MTUS2: variants seen among roughly 807,000 people sequenced by gnomAD.
MTUS2 encodes microtubule-associated tumor suppressor candidate 2.
A neutral mutation model predicts 114.1 loss-of-function variants in MTUS2; 40 were observed. That is an observed-to-expected ratio of 0.35 (90% CI 0.27 to 0.46). The LOEUF (loss-of-function observed/expected upper bound fraction) is 0.46. Ranked by LOEUF, MTUS2 falls within the 20% of genes least tolerant of loss-of-function variation. MTUS2 has a pLI of 1.00. For synonymous variants in MTUS2, 688 were observed against 672.0 expected (o/e 1.02, Z -0.37); for missense variants, 1,679 against 1,705.4 (o/e 0.98, Z 0.27).
Position 29,025,286 on chromosome 13 carries a change from G to T in MTUS2, c.588G>T (p.Gln196His). Residue 196 changes from glutamine to histidine, a missense_variant, in exon 3 of 16, where the codon CAG becomes CAT. Gln to His is a conservative substitution (Grantham distance 24, BLOSUM62 0). This residue lies in a region of MTUS2 where 843 missense variants were observed against 770.8 expected (regional missense o/e 1.09). Transcript: ENST00000612955. ...GGAGCCTGACTCCGCAGCATCCACA[G>T]CCTCTATCCCTCGACTCCCGGGAAG... is the stretch of plus-strand genomic sequence containing the variant. ...AVGSLTPQHPQPLSLDSREAR... is the reference protein window; with the variant it reads ...AVGSLTPQHPHPLSLDSREAR... 6.2e-7 allele frequency: 1 copy of T among 1,613,974 alleles called. No homozygotes were observed. Among genetic ancestry groups the T allele is most frequent in the Non-Finnish European group, 8.5e-7 (1 of 1,179,892 alleles).
chr13:28,990,372 C>G (rs1040010077), intron 2 of MTUS2, among the ~76,000 whole-genome samples: 7 of 152,124 alleles, frequency 4.6e-5, no homozygotes, highest in Admixed American at 2.0e-4. Context: ...GTGAAGCCAG[C>G]TGGACTTACT....
At chr13:28,994,366 G>C (rs992539028) in intron 2 of MTUS2, among the ~76,000 whole-genome samples, 3 of 152,264 alleles carry the variant, frequency 2.0e-5, no homozygotes, top group Admixed American at 2.0e-4. Context: ...AAACATACGT[G>C]TGCATGCGTC....
intron 5 of MTUS2, among the ~76,000 whole-genome samples, chr13:29,148,902 T>C (rs555975941): frequency 2.6e-5 from 4 of 152,344 alleles, no homozygotes; most frequent in African/African-American, 9.6e-5. Flanking sequence ...ATGGTGTATA[T>C]GTACCACATT....
At position 29,497,533 on chromosome 13, in the gene MTUS2, G is replaced by A. The variant is rs144676663; in HGVS notation, c.3678+197G>A. The A allele has an allele frequency of 6.9e-3, 4,111 of 593,394 alleles. 15 individuals are homozygous for A. The highest frequency in any genetic ancestry group is 0.01 in the Non-Finnish European group (3,312 of 330,944). 36.8% of individuals were successfully genotyped at this position (593,394 alleles called of 1,614,324 possible). ...CCCCTGAGACAGACAGCAGCTGTGG[G>A]TTTCTCCAGCTACGTGTTATTTTTG... On this transcript the variant is annotated intron_variant, in intron 13 of 15. Transcript: ENST00000612955.
chr13:29,387,044 T>TGTGCTAGGCAGG (rs1872673227), intron 8 of MTUS2, among the ~76,000 whole-genome samples: 1 of 152,236 alleles, frequency 6.6e-6, no homozygotes, highest in Non-Finnish European at 1.5e-5. Context: ...GTGCTTACTA[T>TGTGCTAGGCAGG]GTGCTAGGCA....
chr13:28,907,512 C>T (rs1880110906), intron 2 of MTUS2, among the ~76,000 whole-genome samples: 1 of 151,380 alleles, frequency 6.6e-6, no homozygotes, highest in South Asian at 2.1e-4. Flanking sequence ...AAACCCATCT[C>T]ACGTGCAGAG....
chr13:28,900,236 T>C (rs1438171693), intron 2 of MTUS2, among the ~76,000 whole-genome samples: 1 of 152,204 alleles, frequency 6.6e-6, no homozygotes. Flanking sequence ...ACGATTACAA[T>C]ATTGGCATTG....
Position 29,504,831 on chromosome 13 carries a change from A to AT in MTUS2, c.*1626dup, listed in dbSNP as rs1354454648. On this transcript the variant is annotated 3_prime_UTR_variant, in exon 16 of 16. Coordinates refer to ENST00000612955, the MANE Select transcript of MTUS2 (RefSeq NM_001033602.4). Reference sequence around the variant, plus strand: ...GAGCGTGCCCAAGGCGAGAAGAACCATGAGGGGGTCCTGCAGGGGCCGGAG... The same window carrying AT: ...GAGCGTGCCCAAGGCGAGAAGAACCATTGAGGGGGTCCTGCAGGGGCCGGAG... 4.3e-6 allele frequency: 1 copy of AT among 232,836 alleles called. No homozygotes were observed. Among genetic ancestry groups the AT allele is most frequent in the Non-Finnish European group, 8.5e-6 (1 of 117,878 alleles). 14.4% of individuals were successfully genotyped at this position (232,836 alleles called of 1,614,324 possible).
chr13:29,401,553 G>A, intron 8 of MTUS2, among the ~76,000 whole-genome samples: 1 of 151,898 alleles, frequency 6.6e-6, no homozygotes, highest in East Asian at 1.9e-4. Flanking sequence ...AGATAGAGGG[G>A]TTTTTTCCCC....
intron 2 of MTUS2, among the ~76,000 whole-genome samples, chr13:28,912,856 T>C (rs1403738676): frequency 6.6e-6 from 1 of 152,166 alleles, no homozygotes; most frequent in Admixed American, 6.6e-5. Context: ...TAGCGATTTT[T>C]GCACATTTTT....
intron 1 of MTUS2, among the ~76,000 whole-genome samples, chr13:28,823,085 C>G (rs1013252721): frequency 1.1e-4 from 17 of 151,792 alleles, no homozygotes; most frequent in African/African-American, 4.1e-4. Flanking sequence ...TCTTCCTCCT[C>G]TCAGAGGCAG....
At chr13:29,233,302 A>G (rs1263033003) in intron 5 of MTUS2, among the ~76,000 whole-genome samples, 3 of 152,144 alleles carry the variant, frequency 2.0e-5, no homozygotes, top group Non-Finnish European at 4.4e-5. Flanking sequence ...AGGTGACCAA[A>G]AAGTGGACTT....
At chr13:29,095,636 CTCTGAG>C (rs1890146410) in intron 4 of MTUS2, among the ~76,000 whole-genome samples, 1 of 152,030 alleles carries the variant, frequency 6.6e-6, no homozygotes, top group Non-Finnish European at 1.5e-5. Context: ...GTCCACATCT[CTCTGAG>C]GCTCCACTTA....
intron 11 of MTUS2, among the ~76,000 whole-genome samples, chr13:29,488,607 C>G (rs1443698787): frequency 6.6e-6 from 1 of 152,010 alleles, no homozygotes; most frequent in Non-Finnish European, 1.5e-5. Context: ...CCCACTACCA[C>G]ACCCGGCTAG....
chr13:29,170,789 A>G (rs539102060), intron 5 of MTUS2, among the ~76,000 whole-genome samples: 48 of 152,288 alleles, frequency 3.2e-4, no homozygotes, highest in African/African-American at 1.1e-3. Flanking sequence ...ACAGTGACAG[A>G]TATTCTACTT....
At chr13:29,034,780 C>T (rs1183863799) in intron 4 of MTUS2, among the ~76,000 whole-genome samples, 1 of 152,104 alleles carries the variant, frequency 6.6e-6, no homozygotes, top group African/African-American at 2.4e-5. Flanking sequence ...TATCTGTAGG[C>T]AGAGAGATGA....
chr13:29,219,106 A>G (rs1247986331), intron 5 of MTUS2, among the ~76,000 whole-genome samples: 5 of 137,452 alleles, frequency 3.6e-5, no homozygotes, highest in South Asian at 2.6e-4. Flanking sequence ...ATATCTCCCA[A>G]TGCTATCCCT....
chr13:29,153,003 C>T (rs2139045691), intron 5 of MTUS2, among the ~76,000 whole-genome samples: 1 of 152,270 alleles, frequency 6.6e-6, no homozygotes, highest in East Asian at 1.9e-4. Flanking sequence ...AAGGAAAGTA[C>T]TTGATGGACT....
At chr13:29,078,250 C>G (rs865919524) in intron 4 of MTUS2, among the ~76,000 whole-genome samples, 48 of 152,022 alleles carry the variant, frequency 3.2e-4, no homozygotes, top group Admixed American at 3.1e-3. Flanking sequence ...ATTAATTTCC[C>G]TATTAGGATT....
Sources: gnomAD v4.1 joint callset for allele counts (sites outside exome capture counted in the v4.1 genomes callset) on GRCh38, gnomAD v4.1.1 for gene constraint, gnomAD v4.1.1 regional missense constraint, MANE v1.5 for transcripts, NCBI Gene and HGNC (gene_info 2026-07-23, HGNC 2026-07-21) for gene names.